The following RAB2A variants were observed in gnomAD, a reference collection of about 807,000 sequenced individuals.
RAB2A encodes the protein ras-related protein Rab-2A.
In RAB2A, 7 loss-of-function variants were observed where a neutral mutation model predicts 32.5. The observed-to-expected ratio is 0.22, with a 90% CI of 0.12 to 0.40. RAB2A has a LOEUF of 0.40. Ranked by LOEUF, RAB2A falls within the 10% of genes least tolerant of loss-of-function variation. RAB2A has a pLI of 1.00. For missense variants in RAB2A, 108 were observed against 260.7 expected, an observed-to-expected ratio of 0.41 and a Z score of 4.03; for synonymous variants, 79 against 85.2, an observed-to-expected ratio of 0.93 and a Z score of 0.40.
chr8:60,520,475 T>C (rs971766863), intron 1 of RAB2A, among the ~76,000 whole-genome samples: 2 of 152,246 alleles, frequency 1.3e-5, no homozygotes, highest in African/African-American at 4.8e-5. Flanking sequence ...CATTTTAACC[T>C]TATCACTAAC....
chr8:60,528,467 AT>A (rs886420430), intron 1 of RAB2A, among the ~76,000 whole-genome samples: 7 of 151,810 alleles, frequency 4.6e-5, no homozygotes, highest in Non-Finnish European at 1.0e-4. Context: ...CAAAAACATA[AT>A]TTTTTTTGCC....
intron 6 of RAB2A, among the ~76,000 whole-genome samples, chr8:60,594,923 A>G (rs2130856061): frequency 6.6e-6 from 1 of 152,354 alleles, no homozygotes; most frequent in East Asian, 1.9e-4. Context: ...GCTATTGTGA[A>G]TACTGCCACA....
chr8:60,604,075 C>T (rs1804183745), intron 6 of RAB2A, among the ~76,000 whole-genome samples: 1 of 152,236 alleles, frequency 6.6e-6, no homozygotes, highest in South Asian at 2.1e-4. Context: ...CACCATACCG[C>T]TTGGTGCAGT....
At chr8:60,545,246 T>G (rs1326227537) in intron 1 of RAB2A, among the ~76,000 whole-genome samples, 6 of 152,176 alleles carry the variant, frequency 3.9e-5, no homozygotes, top group Non-Finnish European at 8.8e-5. Context: ...AATTAGATTC[T>G]TGGGCCCCAC....
At chr8:60,562,988 C>T (rs1347929714) in intron 2 of RAB2A, among the ~76,000 whole-genome samples, 1 of 150,378 alleles carries the variant, frequency 6.6e-6, no homozygotes, top group Admixed American at 6.7e-5. Flanking sequence ...TTTTGACACC[C>T]ATCACAGCAA....
At position 60,568,697 on chromosome 8, in the gene RAB2A, T is replaced by C. The variant is rs750999469; in HGVS notation, c.119-3349T>C. 2.0e-5 allele frequency among the ~76,000 whole-genome samples: 3 copies of C among 152,146 alleles called. No homozygotes were observed. The East Asian group carries it at 5.8e-4, about 29-fold the overall frequency. On this transcript the variant is annotated intron_variant, in intron 2 of 7. Coordinates refer to ENST00000262646, the MANE Select transcript of RAB2A (RefSeq NM_002865.3). ...AAGTGTACCTATTCAGAGTATTTGA[T>C]TGTGGAAGGTTGGAAGTGAATAACA... is the stretch of plus-strand genomic sequence containing the variant.
chr8:60,549,956 C>A (rs932493325), intron 1 of RAB2A, among the ~76,000 whole-genome samples: 1 of 150,098 alleles, frequency 6.7e-6, no homozygotes, highest in Non-Finnish European at 1.5e-5. Flanking sequence ...CTGTTTAATT[C>A]TGTGATTAAA....
intron 6 of RAB2A, among the ~76,000 whole-genome samples, chr8:60,608,476 C>T (rs1314206912): frequency 6.8e-6 from 1 of 147,264 alleles, no homozygotes; most frequent in Non-Finnish European, 1.5e-5. Context: ...GGTCCTGCTC[C>T]CTCTCCCTCT....
intron 2 of RAB2A, among the ~76,000 whole-genome samples, chr8:60,570,282 G>A (rs1012058416): frequency 6.6e-6 from 1 of 152,032 alleles, no homozygotes; most frequent in African/African-American, 2.4e-5. Context: ...GACAATGGAA[G>A]GAAAAATAAA....
chr8:60,584,001 T>A (rs547135001), intron 3 of RAB2A: 1 of 449,608 alleles, frequency 2.2e-6, no homozygotes, highest in Non-Finnish European at 4.1e-6. Context: ...AGCGACTACA[T>A]GTGCACTACA....
chr8:60,580,199 G>C (rs924124288), intron 3 of RAB2A, among the ~76,000 whole-genome samples: 4 of 151,102 alleles, frequency 2.6e-5, no homozygotes, highest in Non-Finnish European at 4.4e-5. Context: ...GGTTTCACCA[G>C]TTGGTCAGGC....
intron 5 of RAB2A, among the ~76,000 whole-genome samples, chr8:60,588,106 A>G (rs1344157581): frequency 3.3e-5 from 5 of 152,146 alleles, no homozygotes; most frequent in African/African-American, 7.2e-5. Flanking sequence ...GACTTCTTCT[A>G]TACAAAAATA....
chr8:60,582,125 T>C (rs183356853), intron 3 of RAB2A, among the ~76,000 whole-genome samples: 18 of 152,058 alleles, frequency 1.2e-4, no homozygotes, highest in Admixed American at 1.2e-3. Context: ...TTTAAAATTT[T>C]TTTTGTAGAG....
At chr8:60,580,271 A>C (rs571870734) in intron 3 of RAB2A, among the ~76,000 whole-genome samples, 1 of 152,344 alleles carries the variant, frequency 6.6e-6, no homozygotes, top group Admixed American at 6.5e-5. Context: ...CTGAGATTAC[A>C]GGCGTGAGCC....
At chr8:60,592,107 A>T (rs1402642204) in intron 6 of RAB2A, 138 bp downstream of exon 6, 2 of 490,402 alleles carry the variant, frequency 4.1e-6, no homozygotes, top group Non-Finnish European at 7.4e-6. Flanking sequence ...TTCCCTTTGA[A>T]ATCCCTTGTA....
chr8:60,601,210 A>ACTTTTGCTAACATAG (rs1804129214), intron 6 of RAB2A, among the ~76,000 whole-genome samples: 1 of 149,570 alleles, frequency 6.7e-6, no homozygotes, highest in African/African-American at 2.5e-5. Flanking sequence ...AAATTACTAG[A>ACTTTTGCTAACATAG]TTTTTGCTCT....
At chr8:60,611,911 T>TA (rs1804355286) in intron 6 of RAB2A, among the ~76,000 whole-genome samples, 1 of 152,228 alleles carries the variant, frequency 6.6e-6, no homozygotes, top group Non-Finnish European at 1.5e-5. Context: ...AACCAATTAT[T>TA]AATCTGCATT....
At chr8:60,544,302 A>G (rs1051245538) in intron 1 of RAB2A, among the ~76,000 whole-genome samples, 2 of 150,078 alleles carry the variant, frequency 1.3e-5, no homozygotes, top group African/African-American at 4.9e-5. Context: ...AGCCTCCCAA[A>G]GTGCTAGGAT....
chr8:60,547,826 G>A (rs1485706747), intron 1 of RAB2A, among the ~76,000 whole-genome samples: 3 of 123,726 alleles, frequency 2.4e-5, no homozygotes, highest in East Asian at 2.6e-4. Context: ...TGGCCGGGCG[G>A]GGGGCTGACC....
Sources: allele counts gnomAD v4.1 joint callset (sites outside exome capture counted in the v4.1 genomes callset), GRCh38; gene constraint gnomAD v4.1.1; transcripts MANE v1.5; gene names NCBI Gene and HGNC (gene_info 2026-07-23, HGNC 2026-07-21).